The following ABR variants were observed in gnomAD, a reference collection of about 807,000 sequenced individuals.
ABR encodes ABR activator of RhoGEF and GTPase.
ABR carries 35 observed loss-of-function variants against 107.2 expected under a neutral mutation model. The ratio of observed to expected loss-of-function variants is 0.33; its 90% CI spans 0.25 to 0.43. The LOEUF is 0.43. ABR is among the 20% of genes least tolerant of loss of function. The pLI is 1.00. For missense variants in ABR, 815 were observed against 1,115.2 expected, an observed-to-expected ratio of 0.73 and a Z score of 3.83; for synonymous variants, 498 against 462.0, an observed-to-expected ratio of 1.08 and a Z score of -1.00.
chr17:1,078,875 C>CGCGGCGGGA lies in ABR; in HGVS notation c.700+446_700+454dup. 1.3e-6 allele frequency: 2 copies of CGCGGCGGGA among 1,535,532 alleles called. No individual in the cohort carries two copies. The highest frequency in any genetic ancestry group is 1.7e-6 in the Non-Finnish European group (2 of 1,146,778). ...GAATCTCCATGGCAGCCTCTGTCCC[C>CGCGGCGGGA]GCGGCGGGAGCGTGCAGCCATCGCT... is the stretch of plus-strand genomic sequence containing the variant. On this transcript the variant is annotated intron_variant, in intron 6 of 22. Transcript: ENST00000302538. The surrounding 1 kb of genome is among the most constrained non-coding windows in gnomAD (Gnocchi z 7.5).
chr17:1,082,934 G>A (rs1409368144), intron 5 of ABR, among the ~76,000 whole-genome samples: 1 of 152,026 alleles, frequency 6.6e-6, no homozygotes, highest in African/African-American at 2.4e-5. Flanking sequence ...GACCAGCCTG[G>A]CCAACACGGC....
intron 2 of ABR, among the ~76,000 whole-genome samples, chr17:1,118,131 TTC>T: frequency 5.0e-5 from 3 of 60,086 alleles, no homozygotes; most frequent in African/African-American, 1.3e-4. Flanking sequence ...TGAGCCTGAG[TTC>T]CCCCCAGCGT....
chr17:1,219,106 G>A (rs113646636), intron 1 of ABR, among the ~76,000 whole-genome samples: 23,909 of 152,022 alleles, frequency 0.16, 2,150 homozygotes, highest in Non-Finnish European at 0.21. Context: ...GCAGTGGCGC[G>A]ATCTCGGCTC....
intron 1 of ABR, among the ~76,000 whole-genome samples, chr17:1,197,171 G>T (rs1302266374): frequency 6.6e-6 from 1 of 151,760 alleles, no homozygotes; most frequent in South Asian, 2.1e-4. Flanking sequence ...CCTGGCCCAG[G>T]CTCGGATGAG....
At chr17:1,219,551 G>A (rs1319464497) in intron 1 of ABR, among the ~76,000 whole-genome samples, 2 of 142,766 alleles carry the variant, frequency 1.4e-5, no homozygotes, top group Non-Finnish European at 3.0e-5. Flanking sequence ...TGTATAGCAC[G>A]ATGTGCCTAT....
intron 2 of ABR, among the ~76,000 whole-genome samples, chr17:1,109,884 A>G (rs1396591469): frequency 2.1e-5 from 1 of 48,022 alleles, no homozygotes; most frequent in Non-Finnish European, 3.8e-5. Flanking sequence ...CAGTCCCCCC[A>G]CTCACGGACG....
intron 16 of ABR, among the ~76,000 whole-genome samples, chr17:1,036,373 G>T (rs560883602): frequency 1.3e-5 from 2 of 152,280 alleles, no homozygotes; most frequent in South Asian, 4.1e-4. Context: ...ATGTGGCTCA[G>T]GTCTGCCAAG....
intron 1 of ABR, among the ~76,000 whole-genome samples, chr17:1,218,477 A>G (rs554908729): frequency 6.6e-6 from 1 of 152,362 alleles, no homozygotes; most frequent in South Asian, 2.1e-4. Flanking sequence ...GAGCTGGAGT[A>G]GAGAATAACT....
At chr17:1,137,532 A>T (rs1302773838) in intron 1 of ABR, among the ~76,000 whole-genome samples, 1 of 152,186 alleles carries the variant, frequency 6.6e-6, no homozygotes, top group Non-Finnish European at 1.5e-5. Flanking sequence ...TCATAGATGA[A>T]GGTTGCCGGG....
chr17:1,184,282 C>T (rs980594619), upstream of ABR, among the ~76,000 whole-genome samples: 5 of 152,136 alleles, frequency 3.3e-5, no homozygotes, highest in African/African-American at 7.2e-5. Flanking sequence ...GGGGAAACCC[C>T]GTCCCTACTA....
At chr17:1,073,492 G>GCAT (rs1175033237) in intron 7 of ABR, 133 bp downstream of exon 7, 1 of 687,570 alleles carries the variant, frequency 1.5e-6, no homozygotes, top group Non-Finnish European at 2.1e-6. Context: ...GGCCAGACAG[G>GCAT]CATCCTTGGA....
chr17:1,204,120 G>A (rs2042742435), intron 1 of ABR, among the ~76,000 whole-genome samples: 1 of 152,190 alleles, frequency 6.6e-6, no homozygotes, highest in South Asian at 2.1e-4. Context: ...GATTCCACCA[G>A]GGGCATCTTA....
intron 4 of ABR, among the ~76,000 whole-genome samples, chr17:1,087,465 C>G (rs534026160): frequency 6.6e-6 from 1 of 152,038 alleles, no homozygotes; most frequent in Non-Finnish European, 1.5e-5. Context: ...CCCGGCGTGA[C>G]GCCAAGGCCA....
chr17:1,116,851 C>T (rs1044772394), intron 2 of ABR, among the ~76,000 whole-genome samples: 1 of 152,142 alleles, frequency 6.6e-6, no homozygotes, highest in African/African-American at 2.4e-5. Flanking sequence ...CAGCAGGGAC[C>T]CAAGATCCAG....
intron 16 of ABR, among the ~76,000 whole-genome samples, chr17:1,029,893 C>A (rs534272070): frequency 6.6e-6 from 1 of 150,848 alleles, no homozygotes; most frequent in Admixed American, 6.6e-5. Context: ...ACGACACGGA[C>A]ACACTGTGGC....
At position 1,092,692 on chromosome 17, in the gene ABR, A is replaced by G. The variant is rs2037113221; in HGVS notation, c.346-842T>C. Among the ~76,000 whole-genome samples the G allele has an allele frequency of 8.9e-6, 1 of 112,186 alleles. No individual in the cohort carries two copies. Among genetic ancestry groups the G allele is most frequent in the South Asian group, 4.1e-4 (1 of 2,442 alleles). 73.6% of individuals were successfully genotyped at this position (112,186 alleles called of 152,430 possible). A position where few individuals can be genotyped will look rare whatever the true frequency, so the allele number is the denominator to read the frequency against. ...TATAAATCACCTACAATGAATGAAT[A>G]TGAATAATCAGAAAAAAAAAAACCA... is the stretch of plus-strand genomic sequence containing the variant. On this transcript the variant is annotated intron_variant, in intron 3 of 22. Transcript: ENST00000302538. This position sits in a 1 kb window ranked among gnomAD's most constrained non-coding sequence, Gnocchi z 4.6.
At chr17:1,095,007 C>T (rs150253678) in intron 3 of ABR, among the ~76,000 whole-genome samples, 252 of 152,320 alleles carry the variant, frequency 1.7e-3, no homozygotes, top group African/African-American at 5.7e-3. Context: ...TTGACATCGT[C>T]GTAAGAGTTT....
chr17:1,146,260 GACACACACAC>G (rs60058475), intron 1 of ABR, among the ~76,000 whole-genome samples: 27 of 140,212 alleles, frequency 1.9e-4, no homozygotes, highest in East Asian at 6.4e-4. Flanking sequence ...GGCACATGGA[GACACACACAC>G]ACACACACAC....
At chr17:1,123,714 C>T (rs956219980) in intron 2 of ABR, among the ~76,000 whole-genome samples, 3 of 152,138 alleles carry the variant, frequency 2.0e-5, no homozygotes, top group Non-Finnish European at 2.9e-5. Flanking sequence ...CTGAGCCCTG[C>T]TGTGGTTTGA....
Sources: gnomAD v4.1 joint callset for allele counts (sites outside exome capture counted in the v4.1 genomes callset) on GRCh38, gnomAD v4.1.1 for gene constraint, Gnocchi (gnomAD v3.1) non-coding constraint, MANE v1.5 for transcripts, NCBI Gene and HGNC (gene_info 2026-07-23, HGNC 2026-07-21) for gene names.